The following XKR9 variants were observed in gnomAD, a reference collection of about 807,000 sequenced individuals.
XKR9 encodes the protein XK-related protein 9.
In XKR9, 32 loss-of-function variants were observed where a neutral mutation model predicts 32.0. The ratio of observed to expected loss-of-function variants is 1.00; its 90% CI spans 0.76 to 1.34. The LOEUF (loss-of-function observed/expected upper bound fraction) is 1.34. Among genes scored for constraint, XKR9 ranks in the 40% most tolerant of loss-of-function variants. XKR9 has a pLI of 0.00. For missense variants in XKR9, 546 were observed against 429.7 expected, an observed-to-expected ratio of 1.27 and a Z score of -2.39; for synonymous variants, 168 against 143.4, an observed-to-expected ratio of 1.17 and a Z score of -1.22.
At chr8:71,004,599 T>C in the XKR9 span, among the ~76,000 whole-genome samples, 1 of 152,210 alleles carries the variant, frequency 6.6e-6, no homozygotes, top group Non-Finnish European at 1.5e-5. Flanking sequence ...ATCTCTGTGA[T>C]GTCCTCTTTC....
the XKR9 span, among the ~76,000 whole-genome samples, chr8:70,974,263 T>C: frequency 2.3e-3 from 355 of 152,186 alleles, no homozygotes; most frequent in African/African-American, 8.3e-3. Context: ...AAATTGTACT[T>C]TTAGGTTCTA....
At chr8:70,695,980 C>T (rs1337052616) in intron 3 of XKR9, among the ~76,000 whole-genome samples, 4 of 150,834 alleles carry the variant, frequency 2.7e-5, no homozygotes, top group Non-Finnish European at 5.9e-5. Flanking sequence ...TAAATGTCTT[C>T]TTTTAAGAAG....
rs867879968 is a variant in XKR9, at chr8:70,735,861, T to C, written c.*1437T>C. On this transcript the variant is annotated 3_prime_UTR_variant, in exon 5 of 5. Transcript: ENST00000408926. Reference sequence around the variant, plus strand: ...GCCACATTTTCTTAATCCAGTCTATTGTTGTTGGACATTTGGGTTGGTTCC... The same window carrying C: ...GCCACATTTTCTTAATCCAGTCTATCGTTGTTGGACATTTGGGTTGGTTCC... The C allele has an allele frequency of 4.6e-3, 695 of 151,982 alleles. 9 individuals are homozygous for C. Among genetic ancestry groups the C allele is most frequent in the African/African-American group, 0.016 (646 of 41,402 alleles). The allele number at this position is 151,982 out of a possible 1,614,324, so 9.4% of individuals were successfully genotyped here.
At position 70,734,225 on chromosome 8, in the gene XKR9, G is replaced by A. The variant is rs757137997; in HGVS notation, c.923G>A (p.Cys308Tyr). The A allele has an allele frequency of 2.5e-6, 4 of 1,613,030 alleles. No individual in the cohort carries two copies. The highest frequency in any genetic ancestry group is 2.2e-5 in the South Asian group (2 of 91,016). ...GGGATATTGACTGTATTCTGGGTTT[G>A]CCCCCTCACTATTTTTAATCCAGAC... ...TLGILTVFWVCPLTIFNPDYF... is the reference protein window; with the variant it reads ...TLGILTVFWVYPLTIFNPDYF... Residue 308 changes from cysteine to tyrosine, a missense_variant, in exon 5 of 5, where the codon TGC becomes TAC. By Grantham distance (194) the Cys-to-Tyr change is radical. Coordinates refer to ENST00000408926, the MANE Select transcript of XKR9 (RefSeq NM_001011720.2).
At chr8:70,809,709 A>G in the XKR9 span, among the ~76,000 whole-genome samples, 1 of 152,244 alleles carries the variant, frequency 6.6e-6, no homozygotes, top group South Asian at 2.1e-4. Flanking sequence ...GGAAGATCAA[A>G]TGAATGAAAT....
At chr8:70,683,726 G>A (rs1015433207) in intron 3 of XKR9, 30 of 311,932 alleles carry the variant, frequency 9.6e-5, no homozygotes, top group African/African-American at 5.9e-4. Flanking sequence ...GACCTCAAGT[G>A]ATCCACCCAC....
chr8:70,678,543 A>C (rs981806554), intron 2 of XKR9, among the ~76,000 whole-genome samples: 9 of 152,318 alleles, frequency 5.9e-5, no homozygotes, highest in African/African-American at 2.2e-4. Flanking sequence ...ATATTTAATT[A>C]GTTCAATTGA....
At chr8:70,848,870 T>G in the XKR9 span, among the ~76,000 whole-genome samples, 2 of 150,880 alleles carry the variant, frequency 1.3e-5, no homozygotes, top group East Asian at 3.9e-4. Flanking sequence ...TACATAATGG[T>G]AAAGGGATCA....
At chr8:70,710,133 G>A (rs1805861090) in intron 4 of XKR9, among the ~76,000 whole-genome samples, 1 of 152,074 alleles carries the variant, frequency 6.6e-6, no homozygotes, top group African/African-American at 2.4e-5. Context: ...CAGAAATAAA[G>A]CCTCATACCT....
At chr8:70,903,645 T>C in the XKR9 span, among the ~76,000 whole-genome samples, 9 of 152,258 alleles carry the variant, frequency 5.9e-5, no homozygotes, top group Admixed American at 1.3e-4. Flanking sequence ...CGTTCAATTC[T>C]GCTCTGATCT....
At chr8:70,976,992 T>C in the XKR9 span, among the ~76,000 whole-genome samples, 2 of 152,230 alleles carry the variant, frequency 1.3e-5, no homozygotes, top group Non-Finnish European at 2.9e-5. Context: ...CTAGATTTTC[T>C]AGTTTATTTT....
chr8:70,802,126 C>T, the XKR9 span, among the ~76,000 whole-genome samples: 12 of 151,854 alleles, frequency 7.9e-5, no homozygotes, highest in East Asian at 3.9e-4. Flanking sequence ...TTAGTAGACA[C>T]GGGGTTTCAC....
At chr8:70,784,661 C>T (rs1807659984) in intron 2 of XKR9, among the ~76,000 whole-genome samples, 1 of 151,898 alleles carries the variant, frequency 6.6e-6, no homozygotes, top group Middle Eastern at 3.4e-3. Flanking sequence ...AGGTTTACTT[C>T]TTTCTTTTCT....
intron 4 of XKR9, among the ~76,000 whole-genome samples, chr8:70,708,302 A>G (rs1010716978): frequency 2.0e-5 from 3 of 152,062 alleles, no homozygotes; most frequent in African/African-American, 4.8e-5. Context: ...AGATCTTATG[A>G]TAATTCCAAG....
the XKR9 span, among the ~76,000 whole-genome samples, chr8:70,851,233 A>G: frequency 6.6e-6 from 1 of 152,154 alleles, no homozygotes; most frequent in Admixed American, 6.5e-5. Context: ...AAGGGATGTG[A>G]AGGACCTATT....
chr8:70,978,545 G>A, the XKR9 span, among the ~76,000 whole-genome samples: 1 of 152,292 alleles, frequency 6.6e-6, no homozygotes, highest in South Asian at 2.1e-4. Context: ...TTTTCTTTAA[G>A]AATGTTGAAT....
Position 70,734,362 on chromosome 8 carries a change from G to T in XKR9, c.1060G>T (p.Asp354Tyr). The change falls in exon 5 of 5, where the codon GAT becomes TAT. Residue 354 changes from aspartate (D) to tyrosine (Y), a missense_variant. Asp to Tyr is a radical substitution (Grantham distance 160). Transcript: ENST00000408926. ...AAACAGAAGTGCAGAAACAAAATGT[G>T]ATGAAATTGATGGAAAACCAGTTCT... ...HPNRSAETKC[D>Y]EIDGKPVLRE... 6.2e-7 allele frequency: 1 copy of T among 1,610,114 alleles called. No homozygotes were observed. The highest frequency in any genetic ancestry group is 8.5e-7 in the Non-Finnish European group (1 of 1,179,348).
At chr8:70,795,776 T>C in the XKR9 span, among the ~76,000 whole-genome samples, 19 of 152,330 alleles carry the variant, frequency 1.2e-4, no homozygotes, top group Middle Eastern at 3.4e-3. Context: ...GCTGCATGTA[T>C]ATTTTCTTTT....
At chr8:70,994,140 G>A in the XKR9 span, among the ~76,000 whole-genome samples, 1 of 152,082 alleles carries the variant, frequency 6.6e-6, no homozygotes, top group Non-Finnish European at 1.5e-5. Context: ...GTGGTATTTT[G>A]TTAGAGCAGC....
Sources: allele counts gnomAD v4.1 joint callset (sites outside exome capture counted in the v4.1 genomes callset), GRCh38; gene constraint gnomAD v4.1.1; transcripts MANE v1.5; gene names NCBI Gene and HGNC (gene_info 2026-07-23, HGNC 2026-07-21).